The following DAB1 variants were observed in gnomAD, a reference collection of about 807,000 sequenced individuals.
The protein encoded by DAB1 is disabled homolog 1.
Under a neutral mutation model 64.6 loss-of-function variants are expected in DAB1, and 15 were observed. The ratio of observed to expected loss-of-function variants is 0.23; its 90% confidence interval spans 0.16 to 0.36. The LOEUF (loss-of-function observed/expected upper bound fraction) is 0.36. Ranked by LOEUF, DAB1 falls within the 10% of genes least tolerant of loss-of-function variation. DAB1 has a pLI of 1.00. For synonymous variants in DAB1, 235 were observed against 251.9 expected (o/e 0.93, Z 0.64); for missense variants, 596 against 706.7 (o/e 0.84, Z 1.78).
intron 6 of DAB1, among the ~76,000 whole-genome samples, chr1:57,714,614 T>C (rs1647064068): frequency 6.6e-6 from 1 of 152,130 alleles, no homozygotes; most frequent in African/African-American, 2.4e-5. Context: ...TTCTTGGAGA[T>C]CCGGGAAGCC....
intron 4 of DAB1, among the ~76,000 whole-genome samples, chr1:57,109,329 T>C (rs891954033): frequency 1.3e-5 from 2 of 152,186 alleles, no homozygotes; most frequent in Non-Finnish European, 2.9e-5. Flanking sequence ...GACATGAGTT[T>C]CCAAGAAACT....
intron 3 of DAB1, among the ~76,000 whole-genome samples, chr1:58,450,120 T>C (rs1162170720): frequency 6.6e-6 from 1 of 152,226 alleles, no homozygotes; most frequent in East Asian, 1.9e-4. Context: ...GTCTTGCTCC[T>C]ACTAAAAGCA....
At chr1:57,357,996 T>C (rs902288514) in intron 1 of DAB1, among the ~76,000 whole-genome samples, 3 of 152,034 alleles carry the variant, frequency 2.0e-5, no homozygotes, top group African/African-American at 7.2e-5. Flanking sequence ...ATATGTTGAT[T>C]TTGTATCCTG....
At chr1:57,412,379 G>A (rs1684179028) in intron 1 of DAB1, among the ~76,000 whole-genome samples, 1 of 152,200 alleles carries the variant, frequency 6.6e-6, no homozygotes, top group South Asian at 2.1e-4. Flanking sequence ...TAGTGGGGAA[G>A]GCATGTTGAA....
chr1:57,344,285 T>C (rs770020004), intron 1 of DAB1, among the ~76,000 whole-genome samples: 1 of 152,212 alleles, frequency 6.6e-6, no homozygotes, highest in Admixed American at 6.5e-5. Flanking sequence ...AGATCTCTTC[T>C]AGAACATCAT....
intron 1 of DAB1, among the ~76,000 whole-genome samples, chr1:57,403,782 A>G (rs1311240531): frequency 1.3e-5 from 2 of 152,206 alleles, no homozygotes; most frequent in South Asian, 2.1e-4. Flanking sequence ...GCTGTCCAGT[A>G]TAATAGCCAT....
At chr1:57,885,733 T>C (rs996624132), upstream of DAB1, among the ~76,000 whole-genome samples, 4 of 152,192 alleles carry the variant, frequency 2.6e-5, no homozygotes, top group Non-Finnish European at 4.4e-5. Context: ...GCCAAAAGCA[T>C]ATGGCACTTT....
intron 7 of DAB1, among the ~76,000 whole-genome samples, chr1:57,483,721 G>T (rs571766291): frequency 6.6e-6 from 1 of 152,070 alleles, no homozygotes; most frequent in East Asian, 1.9e-4. Context: ...TATATACCTG[G>T]AAATGTCCTG....
intron 8 of DAB1, among the ~76,000 whole-genome samples, chr1:57,066,338 T>C (rs1650908454): frequency 6.6e-6 from 1 of 152,230 alleles, no homozygotes; most frequent in Admixed American, 6.5e-5. Flanking sequence ...TCATTGTAGC[T>C]GTTTTTCCTA....
chr1:57,641,378 G>GTTTTTTTTTTTTTTTT (rs1491296848), intron 7 of DAB1, among the ~76,000 whole-genome samples: 2 of 109,802 alleles, frequency 1.8e-5, no homozygotes, highest in African/African-American at 6.7e-5. Flanking sequence ...TTTTTTTGTT[G>GTTTTTTTTTTTTTTTT]GTTTTTTTTT....
chr1:57,719,548 A>C (rs28733657), intron 6 of DAB1, among the ~76,000 whole-genome samples: 2 of 152,060 alleles, frequency 1.3e-5, no homozygotes, highest in African/African-American at 4.8e-5. Flanking sequence ...TCACGGGGGC[A>C]GTTTCCTTCA....
chr1:57,728,108 T>C (rs1647259443), intron 6 of DAB1, among the ~76,000 whole-genome samples: 1 of 152,186 alleles, frequency 6.6e-6, no homozygotes, highest in Non-Finnish European at 1.5e-5. Flanking sequence ...AAAGACACTT[T>C]AGAAAACCCT....
chr1:57,090,205 C>T (rs1203763205), intron 4 of DAB1, among the ~76,000 whole-genome samples: 1 of 152,200 alleles, frequency 6.6e-6, no homozygotes, highest in African/African-American at 2.4e-5. Context: ...AAAAATACAG[C>T]TGGCTCCAAG....
intron 3 of DAB1, among the ~76,000 whole-genome samples, chr1:58,369,083 T>C (rs1364289718): frequency 6.6e-6 from 1 of 152,174 alleles, no homozygotes; most frequent in Non-Finnish European, 1.5e-5. Flanking sequence ...CCTTGCACCT[T>C]GGGTAAAATA....
intron 1 of DAB1, among the ~76,000 whole-genome samples, chr1:57,861,440 G>A (rs763789817): frequency 5.9e-5 from 9 of 152,090 alleles, no homozygotes; most frequent in Non-Finnish European, 1.3e-4. Flanking sequence ...AGTCATGAGG[G>A]CTCCACCCTC....
chr1:57,666,276 T>C (rs1433469608), intron 6 of DAB1, among the ~76,000 whole-genome samples: 1 of 152,194 alleles, frequency 6.6e-6, no homozygotes, highest in African/African-American at 2.4e-5. Flanking sequence ...AGGGTGACCA[T>C]AATGAACAGA....
intron 1 of DAB1, among the ~76,000 whole-genome samples, chr1:57,829,541 T>C (rs1652497138): frequency 6.6e-6 from 1 of 152,206 alleles, no homozygotes; most frequent in South Asian, 2.1e-4. Flanking sequence ...TTTGGAGTAA[T>C]AATATTTCCA....
chr1:57,771,486 A>G (rs1649558580), intron 6 of DAB1, among the ~76,000 whole-genome samples: 1 of 152,126 alleles, frequency 6.6e-6, no homozygotes, highest in African/African-American at 2.4e-5. Context: ...TTTAGTTCTT[A>G]TAACTGCCTG....
chr1:57,584,766 C>A (rs1048415961), intron 7 of DAB1, among the ~76,000 whole-genome samples: 1 of 152,172 alleles, frequency 6.6e-6, no homozygotes, highest in Non-Finnish European at 1.5e-5. Context: ...TAGTCTCCAG[C>A]TTTCTGTGTT....
Sources: allele counts gnomAD v4.1 joint callset (sites outside exome capture counted in the v4.1 genomes callset), GRCh38; gene constraint gnomAD v4.1.1; transcripts MANE v1.5; gene names NCBI Gene and HGNC (gene_info 2026-07-23, HGNC 2026-07-21).